The following GPC5 variants were observed in gnomAD, a reference collection of about 807,000 sequenced individuals.
GPC5 encodes the protein glypican 5, also known as glypican-5.
GPC5 carries 47 observed loss-of-function variants against 53.9 expected under a neutral mutation model. That is an observed-to-expected ratio of 0.87 (90% CI 0.69 to 1.11). The LOEUF (loss-of-function observed/expected upper bound fraction) is 1.11. Among genes scored for constraint, GPC5 ranks in the 50% most tolerant of loss-of-function variants. The pLI is 0.00. For missense variants in GPC5, 748 were observed against 713.1 expected (o/e 1.05, Z -0.56); for synonymous variants, 286 against 263.3 (o/e 1.09, Z -0.84).
At chr13:92,176,287 T>C (rs2042108856) in intron 7 of GPC5, among the ~76,000 whole-genome samples, 1 of 152,210 alleles carries the variant, frequency 6.6e-6, no homozygotes. Context: ...AGGCTCTCCC[T>C]GGATAAAGTA....
chr13:92,069,199 C>T (rs1222568650), intron 6 of GPC5, among the ~76,000 whole-genome samples: 1 of 151,978 alleles, frequency 6.6e-6, no homozygotes, highest in East Asian at 1.9e-4. Context: ...TATTGATGCT[C>T]AATATTATTT....
At chr13:91,808,785 C>A (rs922868224) in intron 5 of GPC5, among the ~76,000 whole-genome samples, 6 of 152,078 alleles carry the variant, frequency 3.9e-5, no homozygotes, top group African/African-American at 1.4e-4. Context: ...TTCCCCAGTC[C>A]CTGCCACTCA....
chr13:91,961,003 T>A (rs1485709779), intron 6 of GPC5, among the ~76,000 whole-genome samples: 1 of 151,364 alleles, frequency 6.6e-6, no homozygotes, highest in East Asian at 2.0e-4. Context: ...GGTTGAGACC[T>A]CAAAAGCACT....
intron 7 of GPC5, among the ~76,000 whole-genome samples, chr13:92,418,596 T>C (rs1876423619): frequency 6.6e-6 from 1 of 152,144 alleles, no homozygotes; most frequent in Admixed American, 6.5e-5. Context: ...ACAATATATG[T>C]AAGGTTATAA....
intron 7 of GPC5, among the ~76,000 whole-genome samples, chr13:92,692,395 A>G (rs1887425815): frequency 6.6e-6 from 1 of 151,968 alleles, no homozygotes; most frequent in Non-Finnish European, 1.5e-5. Flanking sequence ...ATACCCAGTA[A>G]TGTGATTGCT....
chr13:92,764,888 A>G (rs919271198), intron 7 of GPC5, among the ~76,000 whole-genome samples: 1 of 152,098 alleles, frequency 6.6e-6, no homozygotes, highest in Admixed American at 6.5e-5. Context: ...TGTCATTACA[A>G]TGGATGAGCT....
intron 6 of GPC5, among the ~76,000 whole-genome samples, chr13:91,992,109 A>T (rs1019796946): frequency 1.3e-5 from 2 of 152,070 alleles, no homozygotes; most frequent in African/African-American, 2.4e-5. Flanking sequence ...GTGGTCATAG[A>T]TTACTGCAAC....
chr13:91,969,469 A>AT (rs530338412), intron 6 of GPC5, among the ~76,000 whole-genome samples: 5 of 152,062 alleles, frequency 3.3e-5, no homozygotes, highest in East Asian at 1.9e-4. Flanking sequence ...CTTGATGGTA[A>AT]TTTTTTTTGA....
chr13:92,749,430 C>A lies in GPC5; in HGVS notation c.1562-116852C>A, dbSNP rs150287350. ...TGTTTGTGATTATGAGAAAATAGTT[C>A]ATCCGGAAAAAAAAGTATGCTATTT... On this transcript the variant is annotated intron_variant, in intron 7 of 7. Coordinates refer to ENST00000377067, the MANE Select transcript of GPC5 (RefSeq NM_004466.6). Among the ~76,000 whole-genome samples, 171 of 151,854 alleles carry A rather than the reference C, an allele frequency of 1.1e-3. 4 individuals are homozygous for A. The highest frequency in any genetic ancestry group is 4.0e-3 in the African/African-American group (167 of 41,436).
chr13:91,633,102 G>T (rs2034200012), intron 2 of GPC5, among the ~76,000 whole-genome samples: 1 of 152,158 alleles, frequency 6.6e-6, no homozygotes. Flanking sequence ...GACTGGATTT[G>T]CTGTCGTTCT....
At chr13:91,529,558 G>A (rs927932943) in intron 2 of GPC5, among the ~76,000 whole-genome samples, 1 of 152,154 alleles carries the variant, frequency 6.6e-6, no homozygotes, top group African/African-American at 2.4e-5. Context: ...GAAAAATCAA[G>A]TAGTTTGCCA....
intron 7 of GPC5, among the ~76,000 whole-genome samples, chr13:92,306,494 G>A (rs191104188): frequency 6.6e-6 from 1 of 152,260 alleles, no homozygotes; most frequent in African/African-American, 2.4e-5. Context: ...CTTCCCATTG[G>A]AGGCAGCTTA....
At chr13:91,738,060 G>A (rs2036851584) in intron 4 of GPC5, among the ~76,000 whole-genome samples, 1 of 151,364 alleles carries the variant, frequency 6.6e-6, no homozygotes, top group Non-Finnish European at 1.5e-5. Flanking sequence ...AAACTATTGA[G>A]AGGGTGAGTG....
At chr13:92,303,224 A>G (rs2043087331) in intron 7 of GPC5, among the ~76,000 whole-genome samples, 1 of 152,096 alleles carries the variant, frequency 6.6e-6, no homozygotes, top group Non-Finnish European at 1.5e-5. Flanking sequence ...CTCAGGTTCA[A>G]TGATCCTTGC....
chr13:92,433,804 A>G (rs1290107862), intron 7 of GPC5, among the ~76,000 whole-genome samples: 2 of 152,110 alleles, frequency 1.3e-5, no homozygotes, highest in Admixed American at 6.6e-5. Context: ...AAGAGAAAGA[A>G]ATGGTTTGGG....
intron 7 of GPC5, among the ~76,000 whole-genome samples, chr13:92,206,022 A>G (rs2042331858): frequency 7.8e-6 from 1 of 127,834 alleles, no homozygotes; most frequent in Non-Finnish European, 1.6e-5. Flanking sequence ...AGCCTGCGCC[A>G]TGGGAGCAAG....
intron 6 of GPC5, among the ~76,000 whole-genome samples, chr13:92,047,032 C>T (rs1354194333): frequency 6.6e-6 from 1 of 152,128 alleles, no homozygotes; most frequent in South Asian, 2.1e-4. Context: ...TATTTTTCCT[C>T]CCTAGCACAG....
chr13:91,867,258 G>A (rs1467430074), intron 5 of GPC5, among the ~76,000 whole-genome samples: 1 of 152,100 alleles, frequency 6.6e-6, no homozygotes, highest in Non-Finnish European at 1.5e-5. Flanking sequence ...TACTGCTGAG[G>A]TAACTGTTGT....
intron 5 of GPC5, among the ~76,000 whole-genome samples, chr13:91,835,219 TA>T: frequency 6.6e-6 from 1 of 152,060 alleles, no homozygotes; most frequent in Non-Finnish European, 1.5e-5. Flanking sequence ...TGGCAATCAT[TA>T]AAAAGTCAGG....
Sources: allele counts gnomAD v4.1 joint callset (sites outside exome capture counted in the v4.1 genomes callset), GRCh38; gene constraint gnomAD v4.1.1; transcripts MANE v1.5; gene names NCBI Gene and HGNC (gene_info 2026-07-23, HGNC 2026-07-21).